GRIP1: variants seen among roughly 807,000 people sequenced by gnomAD.
GRIP1 encodes the protein glutamate receptor interacting protein 1, also known as glutamate receptor-interacting protein 1.
Under a neutral mutation model 129.9 loss-of-function variants are expected in GRIP1, and 45 were observed. That is an observed-to-expected ratio of 0.35 (90% confidence interval 0.27 to 0.44). The LOEUF (loss-of-function observed/expected upper bound fraction) is 0.44. Ranked by LOEUF, GRIP1 falls within the 20% of genes least tolerant of loss-of-function variation. The probability of loss-of-function intolerance (pLI) is 1.00; values close to 1 mark genes in which losing one functional copy is unlikely to be tolerated. For missense variants in GRIP1, 1,196 were observed against 1,396.8 expected (o/e 0.86, Z 2.29); for synonymous variants, 530 against 520.8 (o/e 1.02, Z -0.24).
rs151111512 is a variant in GRIP1, at chr12:66,769,087, C to T, written c.-420+34966G>A. ...AGAGCAGCTGGTTGGGCCCCACCCC[C>T]AGAGTTTCTGACGCAGTAGGTTTGG... On this transcript the variant is annotated intron_variant, in intron 1 of 4. Coordinates refer to the GRIP1 transcript ENST00000538373. Among the ~76,000 whole-genome samples the T allele has an allele frequency of 1.2e-3, 186 of 152,310 alleles. 1 individual carries two copies. Among genetic ancestry groups the T allele is most frequent in the African/African-American group, 4.2e-3 (173 of 41,560 alleles).
intron 1 of GRIP1, among the ~76,000 whole-genome samples, chr12:66,815,825 T>TTTCTTTCTTTCTTTCC (rs1555241763): frequency 1.2e-5 from 1 of 86,318 alleles, no homozygotes; most frequent in Non-Finnish European, 2.2e-5. Context: ...GAAAGATTTC[T>TTTCTTTCTTTCTTTCC]TTCTTTCTTT....
At chr12:66,720,563 GC>G (rs2036027819) in intron 1 of GRIP1, among the ~76,000 whole-genome samples, 1 of 152,144 alleles carries the variant, frequency 6.6e-6, no homozygotes, top group Admixed American at 6.5e-5. Flanking sequence ...CTCAAACCTT[GC>G]CACTGCCCAT....
intron 1 of GRIP1, among the ~76,000 whole-genome samples, chr12:66,666,687 A>G (rs901316647): frequency 2.6e-5 from 4 of 152,126 alleles, no homozygotes; most frequent in Middle Eastern, 3.4e-3. Context: ...CTCGACTTTC[A>G]CACTTTCCTC....
intron 1 of GRIP1, among the ~76,000 whole-genome samples, chr12:67,054,653 A>G (rs2043404023): frequency 6.6e-6 from 1 of 152,070 alleles, no homozygotes; most frequent in South Asian, 2.1e-4. Flanking sequence ...AATCCCAGGT[A>G]CTCAAAAGGC....
At chr12:66,579,747 T>A (rs1443396934) in intron 2 of GRIP1, among the ~76,000 whole-genome samples, 2 of 151,922 alleles carry the variant, frequency 1.3e-5, no homozygotes, top group South Asian at 4.2e-4. Context: ...CCAAGAAATA[T>A]GGGACTATGT....
chr12:67,042,853 T>C (rs775524202), intron 1 of GRIP1, among the ~76,000 whole-genome samples: 2 of 152,106 alleles, frequency 1.3e-5, no homozygotes, highest in Non-Finnish European at 2.9e-5. Flanking sequence ...AGCACAAGGA[T>C]TAGACTCTAA....
intron 24 of GRIP1, among the ~76,000 whole-genome samples, chr12:66,351,374 A>G (rs1234733203): frequency 6.6e-6 from 1 of 152,196 alleles, no homozygotes; most frequent in Non-Finnish European, 1.5e-5. Context: ...AAATAAAACT[A>G]TACCTGACCT....
chr12:66,831,645 C>T (rs1259957751), intron 1 of GRIP1, among the ~76,000 whole-genome samples: 1 of 152,164 alleles, frequency 6.6e-6, no homozygotes, highest in African/African-American at 2.4e-5. Context: ...GCTGTGGTCA[C>T]ACAGCTGGAA....
At chr12:66,791,755 C>A (rs745498570) in intron 1 of GRIP1, among the ~76,000 whole-genome samples, 2 of 152,104 alleles carry the variant, frequency 1.3e-5, no homozygotes, top group Non-Finnish European at 2.9e-5. Flanking sequence ...TATACTGGTG[C>A]TGAGATTTTA....
At chr12:66,484,744 A>T (rs944644950) in intron 7 of GRIP1, among the ~76,000 whole-genome samples, 1 of 152,140 alleles carries the variant, frequency 6.6e-6, no homozygotes, top group African/African-American at 2.4e-5. Context: ...GGAGGGAATA[A>T]GTTCTAGTGT....
intron 1 of GRIP1, among the ~76,000 whole-genome samples, chr12:66,928,706 T>C (rs1375165399): frequency 6.6e-6 from 1 of 152,196 alleles, no homozygotes; most frequent in East Asian, 1.9e-4. Context: ...GTGTCTGAAG[T>C]AGCTTGTCAA....
intron 1 of GRIP1, among the ~76,000 whole-genome samples, chr12:66,689,984 T>C (rs1426455344): frequency 6.6e-6 from 1 of 152,144 alleles, no homozygotes; most frequent in Non-Finnish European, 1.5e-5. Flanking sequence ...AGGGATGTGA[T>C]CATGGCTTGC....
intron 1 of GRIP1, among the ~76,000 whole-genome samples, chr12:66,758,724 C>A (rs1297619423): frequency 6.6e-6 from 1 of 152,084 alleles, no homozygotes; most frequent in East Asian, 1.9e-4. Context: ...GAAATTGGCC[C>A]AAACAAAGGG....
intron 17 of GRIP1, among the ~76,000 whole-genome samples, chr12:66,393,169 ATT>A (rs60982107): frequency 3.0e-4 from 24 of 78,878 alleles, no homozygotes; most frequent in African/African-American, 1.1e-3. Flanking sequence ...CTTTCTACAG[ATT>A]TTTTTTTTTT....
At chr12:66,677,572 A>G (rs2034396796) in intron 1 of GRIP1, among the ~76,000 whole-genome samples, 1 of 152,226 alleles carries the variant, frequency 6.6e-6, no homozygotes, top group Non-Finnish European at 1.5e-5. Flanking sequence ...AAGTCAAAAC[A>G]GAATTTACAG....
At chr12:66,769,124 T>C (rs2037736481) in intron 1 of GRIP1, among the ~76,000 whole-genome samples, 1 of 152,184 alleles carries the variant, frequency 6.6e-6, no homozygotes, top group African/African-American at 2.4e-5. Flanking sequence ...TTGGTGTTTC[T>C]AACAAGTTCT....
rs532906593 is a variant in GRIP1 at position 66,709,952 on chromosome 12, A to G, written c.-419-79616T>C. 3.3e-5 allele frequency among the ~76,000 whole-genome samples: 5 copies of G among 152,068 alleles called. No individual in the cohort carries two copies. In the East Asian group the frequency reaches 9.7e-4, roughly 29 times the overall value. On this transcript the variant is annotated intron_variant, in intron 1 of 4. Coordinates refer to the GRIP1 transcript ENST00000538373. The stretch of plus-strand genomic sequence containing the variant: ...TGTCTGATATTTTTCTCATGATTAG[A>G]CTGGAATTATATGTTATTAGGAAGG...
chr12:66,434,687 A>G (rs139375785), intron 13 of GRIP1, among the ~76,000 whole-genome samples: 20 of 152,338 alleles, frequency 1.3e-4, no homozygotes, highest in Non-Finnish European at 2.8e-4. Flanking sequence ...TCCTCCCCAT[A>G]CTGCGCTTTA....
At chr12:66,456,599 A>G (rs940997874) in intron 9 of GRIP1, among the ~76,000 whole-genome samples, 3 of 152,176 alleles carry the variant, frequency 2.0e-5, no homozygotes, top group African/African-American at 7.2e-5. Flanking sequence ...TCTTCTTTTA[A>G]GATGACTATT....
Sources: gnomAD v4.1 joint callset for allele counts (sites outside exome capture counted in the v4.1 genomes callset) on GRCh38, gnomAD v4.1.1 for gene constraint, MANE v1.5 for transcripts, NCBI Gene and HGNC (gene_info 2026-07-23, HGNC 2026-07-21) for gene names.